The following NRG1 variants were observed in gnomAD, a reference collection of about 807,000 sequenced individuals.
The protein encoded by NRG1 is pro-neuregulin-1, membrane-bound isoform.
In NRG1, 18 loss-of-function variants were observed where a neutral mutation model predicts 63.8. The observed-to-expected ratio is 0.28, with a 90% CI of 0.19 to 0.42. The LOEUF (loss-of-function observed/expected upper bound fraction) is 0.42. NRG1 is among the 10% of genes least tolerant of loss of function. NRG1 has a pLI of 1.00. For missense variants in NRG1, 762 were observed against 814.7 expected, an observed-to-expected ratio of 0.94 and a Z score of 0.79; for synonymous variants, 302 against 301.3, an observed-to-expected ratio of 1.00 and a Z score of -0.02.
chr8:32,640,606 A>G (rs998967441), intron 5 of NRG1, among the ~76,000 whole-genome samples: 1 of 127,950 alleles, frequency 7.8e-6, no homozygotes, highest in South Asian at 2.8e-4. Context: ...CTTCATCCCA[A>G]AGATCTCAGA....
chr8:32,085,957 G>C (rs1828155617), intron 1 of NRG1, among the ~76,000 whole-genome samples: 1 of 152,202 alleles, frequency 6.6e-6, no homozygotes, highest in Admixed American at 6.5e-5. Flanking sequence ...CTCTTAGCCA[G>C]TTCTTAGTCA....
At chr8:32,636,822 C>T (rs1378748835) in intron 5 of NRG1, among the ~76,000 whole-genome samples, 1 of 151,942 alleles carries the variant, frequency 6.6e-6, no homozygotes, top group Non-Finnish European at 1.5e-5. Context: ...GAATCTTTTA[C>T]CCTTGATATA....
intron 1 of NRG1, among the ~76,000 whole-genome samples, chr8:32,322,851 C>G (rs888245060): frequency 8.0e-6 from 1 of 124,604 alleles, no homozygotes; most frequent in Admixed American, 8.7e-5. Context: ...TCTATAATAG[C>G]AATTCTCTGG....
chr8:32,054,855 CTTTCTTTCTTTTTTTTTTTTTTTTTTT>C (rs1433814035), intron 1 of NRG1, among the ~76,000 whole-genome samples: 11 of 56,304 alleles, frequency 2.0e-4, no homozygotes, highest in African/African-American at 8.2e-4. Context: ...AAGCAGATTT[CTTTCTTTCTTTTTTTTTTTTTTTTTTT>C]TTTTTTTTTT....
At chr8:32,094,478 A>G (rs977668028) in intron 1 of NRG1, among the ~76,000 whole-genome samples, 1 of 152,220 alleles carries the variant, frequency 6.6e-6, no homozygotes, top group Non-Finnish European at 1.5e-5. Context: ...AAATGATAAT[A>G]TAGCTTGTAT....
chr8:32,070,040 T>C lies in NRG1; in HGVS notation c.37+430609T>C, dbSNP rs536497654. On this transcript the variant is annotated intron_variant, in intron 1 of 10. Coordinates refer to the NRG1 transcript ENST00000519301. ...CCTGTGAATCTACTCAAATAGTATC[T>C]TTATTTAAGATGTCAATAAAAGGTA... Among the ~76,000 whole-genome samples, 122 of 152,328 alleles carry C rather than the reference T, an allele frequency of 8.0e-4. 1 individual carries two copies. The highest frequency in any genetic ancestry group is 3.9e-4 in the East Asian group (2 of 5,182).
chr8:31,903,723 G>C (rs1832294551), intron 1 of NRG1, among the ~76,000 whole-genome samples: 1 of 152,106 alleles, frequency 6.6e-6, no homozygotes, highest in Non-Finnish European at 1.5e-5. Flanking sequence ...GGGAGGCCGA[G>C]GTGGGCAGAT....
At chr8:31,712,657 G>T (rs560689094) in intron 1 of NRG1, among the ~76,000 whole-genome samples, 1 of 152,276 alleles carries the variant, frequency 6.6e-6, no homozygotes, top group Non-Finnish European at 1.5e-5. Context: ...TGTCATTGAA[G>T]AAATTCTTGT....
intron 1 of NRG1, among the ~76,000 whole-genome samples, chr8:32,242,949 C>T (rs551003141): frequency 2.7e-4 from 41 of 152,238 alleles, no homozygotes; most frequent in African/African-American, 8.7e-4. Flanking sequence ...ACAGTTCTGG[C>T]GTCAAAAAGT....
intron 1 of NRG1, among the ~76,000 whole-genome samples, chr8:31,672,948 A>G (rs1807304835): frequency 8.0e-6 from 1 of 125,226 alleles, no homozygotes; most frequent in Non-Finnish European, 1.7e-5. Flanking sequence ...GGCTAGAATC[A>G]TAGTTTTTTT....
At chr8:32,223,329 T>C (rs1846015401) in intron 1 of NRG1, among the ~76,000 whole-genome samples, 1 of 152,246 alleles carries the variant, frequency 6.6e-6, no homozygotes, top group Non-Finnish European at 1.5e-5. Context: ...TCTATTTCAT[T>C]GCATTGCAAA....
chr8:32,084,693 G>A (rs1248050820), intron 1 of NRG1, among the ~76,000 whole-genome samples: 1 of 152,116 alleles, frequency 6.6e-6, no homozygotes, highest in Non-Finnish European at 1.5e-5. Context: ...AGTAATTCCT[G>A]GTGAAAGTGG....
chr8:31,953,768 G>A (rs1803877698), intron 1 of NRG1, among the ~76,000 whole-genome samples: 1 of 152,040 alleles, frequency 6.6e-6, no homozygotes, highest in Non-Finnish European at 1.5e-5. Flanking sequence ...CTATATTCCT[G>A]GCATGGTGCT....
chr8:32,029,041 G>GT (rs1375087897), intron 1 of NRG1, among the ~76,000 whole-genome samples: 1 of 152,070 alleles, frequency 6.6e-6, no homozygotes, highest in Non-Finnish European at 1.5e-5. Flanking sequence ...CAAGGTTTTT[G>GT]TTAAAACCTT....
At chr8:32,547,590 A>AACACACACAC (rs33943729), upstream of NRG1, among the ~76,000 whole-genome samples, 347 of 148,484 alleles carry the variant, frequency 2.3e-3, 2 homozygotes, top group Middle Eastern at 0.01. Flanking sequence ...GCACTTACTA[A>AACACACACAC]ACACACACAC....
chr8:31,833,331 A>T (rs1018717369), intron 1 of NRG1, among the ~76,000 whole-genome samples: 1 of 152,242 alleles, frequency 6.6e-6, no homozygotes, highest in African/African-American at 2.4e-5. Flanking sequence ...CAAATGTCCT[A>T]TCCTTGTTCA....
chr8:32,257,239 G>A (rs888474724), intron 1 of NRG1, among the ~76,000 whole-genome samples: 74 of 152,226 alleles, frequency 4.9e-4, no homozygotes, highest in African/African-American at 1.7e-3. Context: ...GGTGGGATCC[G>A]CTGAGCTAGA....
chr8:32,301,608 G>A (rs1212983431), intron 1 of NRG1, among the ~76,000 whole-genome samples: 1 of 152,152 alleles, frequency 6.6e-6, no homozygotes, highest in African/African-American at 2.4e-5. Flanking sequence ...AGTTCCACAC[G>A]GCTGGGGAGG....
At chr8:32,753,643 G>C (rs907601093) in intron 7 of NRG1, among the ~76,000 whole-genome samples, 2 of 152,120 alleles carry the variant, frequency 1.3e-5, no homozygotes, top group Non-Finnish European at 2.9e-5. Flanking sequence ...GCCCATAACT[G>C]TCCTACCCAT....
Sources: allele counts gnomAD v4.1 joint callset (sites outside exome capture counted in the v4.1 genomes callset), GRCh38; gene constraint gnomAD v4.1.1; transcripts MANE v1.5; gene names NCBI Gene and HGNC (gene_info 2026-07-23, HGNC 2026-07-21).